The following PTPRG variants were observed in gnomAD, a reference collection of about 807,000 sequenced individuals.
PTPRG encodes the protein protein tyrosine phosphatase receptor type G.
A neutral mutation model predicts 165.3 loss-of-function variants in PTPRG; 102 were observed. That is an observed-to-expected ratio of 0.62 (90% CI 0.53 to 0.73). The LOEUF is 0.73. PTPRG is among the 30% of genes least tolerant of loss of function. PTPRG has a pLI of 0.00. For synonymous variants in PTPRG, 675 were observed against 669.5 expected (o/e 1.01, Z -0.13); for missense variants, 1,866 against 1,861.4 (o/e 1.00, Z -0.05).
chr3:61,979,629 G>T (rs574948211), intron 2 of PTPRG, among the ~76,000 whole-genome samples: 23 of 152,250 alleles, frequency 1.5e-4, no homozygotes, highest in Non-Finnish European at 2.8e-4. Flanking sequence ...CTTACACTAT[G>T]AATTTATTGA....
At chr3:61,817,064 AATAC>A in intron 2 of PTPRG, among the ~76,000 whole-genome samples, 1 of 133,812 alleles carries the variant, frequency 7.5e-6, no homozygotes, top group South Asian at 2.2e-4. Flanking sequence ...TATAATATAT[AATAC>A]ATATATTATA....
chr3:61,868,148 T>C (rs937059377), intron 2 of PTPRG, among the ~76,000 whole-genome samples: 5 of 152,154 alleles, frequency 3.3e-5, no homozygotes, highest in Non-Finnish European at 7.3e-5. Context: ...TGAGACCCAG[T>C]TATGTGAAGG....
At chr3:62,070,375 T>C (rs1054285922) in intron 4 of PTPRG, among the ~76,000 whole-genome samples, 7 of 152,218 alleles carry the variant, frequency 4.6e-5, no homozygotes, top group Non-Finnish European at 7.3e-5. Context: ...TTGTTATTTA[T>C]TCCAAGAGAT....
intron 5 of PTPRG, among the ~76,000 whole-genome samples, chr3:62,104,764 G>A (rs887406547): frequency 1.4e-4 from 22 of 152,048 alleles, no homozygotes; most frequent in African/African-American, 4.1e-4. Flanking sequence ...TACTACTAGC[G>A]GGAACAAAAG....
intron 2 of PTPRG, among the ~76,000 whole-genome samples, chr3:61,833,142 TCTC>T (rs1051452070): frequency 4.6e-5 from 7 of 151,834 alleles, no homozygotes; most frequent in Non-Finnish European, 7.4e-5. Context: ...ATTACCTCGT[TCTC>T]CTTCTTTTTA....
At chr3:62,155,034 C>T (rs1400596185) in intron 6 of PTPRG, among the ~76,000 whole-genome samples, 1 of 152,226 alleles carries the variant, frequency 6.6e-6, no homozygotes, top group Non-Finnish European at 1.5e-5. Flanking sequence ...TTTCCCCTGT[C>T]ATTAGGCTGC....
At chr3:61,571,286 A>T (rs949961810) in intron 1 of PTPRG, among the ~76,000 whole-genome samples, 1 of 152,162 alleles carries the variant, frequency 6.6e-6, no homozygotes, top group Non-Finnish European at 1.5e-5. Flanking sequence ...CGGTGACTGT[A>T]ATATGTTTCT....
At chr3:61,880,211 T>TA (rs2037845810) in intron 2 of PTPRG, among the ~76,000 whole-genome samples, 1 of 152,224 alleles carries the variant, frequency 6.6e-6, no homozygotes, top group Non-Finnish European at 1.5e-5. Flanking sequence ...ATAAGAAACT[T>TA]AGAGTCTTGC....
intron 2 of PTPRG, among the ~76,000 whole-genome samples, chr3:61,833,095 G>GTGTGTGTGTGTA (rs909034372): frequency 2.0e-5 from 3 of 151,674 alleles, no homozygotes; most frequent in African/African-American, 7.3e-5. Context: ...GTGTGTGTGT[G>GTGTGTGTGTGTA]TACACAGTTT....
At chr3:62,062,381 A>G (rs1700845570) in intron 4 of PTPRG, among the ~76,000 whole-genome samples, 1 of 152,126 alleles carries the variant, frequency 6.6e-6, no homozygotes. Flanking sequence ...ATGTTAAGGG[A>G]GGTATCTAGG....
intron 2 of PTPRG, among the ~76,000 whole-genome samples, chr3:61,814,452 A>C: frequency 6.6e-6 from 1 of 152,164 alleles, no homozygotes; most frequent in East Asian, 1.9e-4. Context: ...ACCTATGTCT[A>C]GTGGTAACTT....
chr3:61,658,478 A>T (rs1423842342), intron 1 of PTPRG, among the ~76,000 whole-genome samples: 1 of 152,196 alleles, frequency 6.6e-6, no homozygotes, highest in East Asian at 1.9e-4. Context: ...GGAAAGTTAG[A>T]TAACAATTTG....
intron 1 of PTPRG, among the ~76,000 whole-genome samples, chr3:61,612,436 C>T (rs967127347): frequency 1.3e-5 from 2 of 152,296 alleles, no homozygotes; most frequent in African/African-American, 4.8e-5. Context: ...GCACATGTGC[C>T]TCCAGTTCAG....
intron 2 of PTPRG, among the ~76,000 whole-genome samples, chr3:61,844,606 C>T (rs1411801379): frequency 6.7e-6 from 1 of 149,746 alleles, no homozygotes; most frequent in East Asian, 1.9e-4. Flanking sequence ...CTCATGGGCT[C>T]AAGTAATCCT....
intron 1 of PTPRG, among the ~76,000 whole-genome samples, chr3:61,669,987 G>C (rs535560416): frequency 1.3e-5 from 2 of 152,282 alleles, no homozygotes; most frequent in African/African-American, 4.8e-5. Flanking sequence ...CTAGACTTCT[G>C]TCCCCACCCT....
intron 6 of PTPRG, among the ~76,000 whole-genome samples, chr3:62,144,242 A>T (rs1234031182): frequency 1.3e-5 from 2 of 152,194 alleles, no homozygotes; most frequent in African/African-American, 4.8e-5. Context: ...TAGTAGCTCT[A>T]CTAATAGTGT....
At chr3:61,679,280 T>A (rs1703344673) in intron 1 of PTPRG, among the ~76,000 whole-genome samples, 2 of 152,210 alleles carry the variant, frequency 1.3e-5, no homozygotes, top group African/African-American at 4.8e-5. Flanking sequence ...GGGTTCATTA[T>A]AAAAGGAGAT....
chr3:61,823,491 AG>A, intron 2 of PTPRG, among the ~76,000 whole-genome samples: 1 of 151,994 alleles, frequency 6.6e-6, no homozygotes, highest in East Asian at 1.9e-4. Flanking sequence ...CTGGCCGCAC[AG>A]GGGTTATTAA....
chr3:61,567,120 T>C (rs1699931612), intron 1 of PTPRG, among the ~76,000 whole-genome samples: 1 of 152,194 alleles, frequency 6.6e-6, no homozygotes, highest in Admixed American at 6.5e-5. Flanking sequence ...TGGGTGGTGG[T>C]CACTGAAACT....
Sources: allele counts gnomAD v4.1 joint callset (sites outside exome capture counted in the v4.1 genomes callset), GRCh38; gene constraint gnomAD v4.1.1; transcripts MANE v1.5; gene names NCBI Gene and HGNC (gene_info 2026-07-23, HGNC 2026-07-21).